The following GPC5 variants were observed in gnomAD, a reference collection of about 807,000 sequenced individuals.
GPC5 encodes the protein glypican-5.
GPC5 carries 47 observed loss-of-function variants against 53.9 expected under a neutral mutation model. The observed-to-expected ratio is 0.87, with a 90% CI of 0.69 to 1.11. GPC5 has a LOEUF of 1.11. GPC5 is among the 50% of genes most tolerant of loss of function. The pLI is 0.00. For synonymous variants in GPC5, 286 were observed against 263.3 expected (o/e 1.09, Z -0.84); for missense variants, 748 against 713.1 (o/e 1.05, Z -0.56).
rs1711498775 is a variant in GPC5, at chr13:92,349,161, G to A, written c.1561+204172G>A. ...ATTTTAATGTAATTTAATTTAATTT[G>A]AGATGGAGTTTCACTCTTGTTGCCC... On this transcript the variant is annotated intron_variant, in intron 7 of 7. Coordinates refer to ENST00000377067, the MANE Select transcript of GPC5 (RefSeq NM_004466.6). 2.0e-5 allele frequency among the ~76,000 whole-genome samples: 3 copies of A among 152,138 alleles called. No homozygotes were observed. The South Asian group carries it at 6.2e-4, about 31-fold the overall frequency.
intron 2 of GPC5, among the ~76,000 whole-genome samples, chr13:91,669,234 T>C (rs769372283): frequency 2.6e-5 from 4 of 152,208 alleles, no homozygotes; most frequent in Non-Finnish European, 5.9e-5. Context: ...GTATAGAGTA[T>C]GTGCATTACG....
intron 6 of GPC5, among the ~76,000 whole-genome samples, chr13:92,054,445 G>C (rs1260882645): frequency 6.6e-6 from 1 of 152,090 alleles, no homozygotes; most frequent in Non-Finnish European, 1.5e-5. Context: ...ATCAGAAATT[G>C]TTCTGAGTAT....
chr13:92,098,036 G>T (rs1221666394), intron 6 of GPC5, among the ~76,000 whole-genome samples: 2 of 152,068 alleles, frequency 1.3e-5, no homozygotes, highest in Admixed American at 1.3e-4. Flanking sequence ...TAGGTTCAGG[G>T]ATACATGTGC....
Position 92,347,725 on chromosome 13 carries a change from C to T in GPC5, c.1561+202736C>T, listed in dbSNP as rs192724898. Among the ~76,000 whole-genome samples, 767 of 144,640 alleles carry T rather than the reference C, an allele frequency of 5.3e-3. 9 individuals carry two copies. Among genetic ancestry groups the T allele is most frequent in the African/African-American group, 0.019 (735 of 38,510 alleles). 94.9% of individuals were successfully genotyped at this position (144,640 alleles called of 152,430 possible). A position where few individuals can be genotyped will look rare whatever the true frequency, so the allele number is the denominator to read the frequency against. The stretch of plus-strand genomic sequence containing the variant: ...TATTAAAACTATAGCTGAAATAAAT[C>T]GTCAAGGGACACACATTACAAAGTG... On this transcript the variant is annotated intron_variant, in intron 7 of 7. Coordinates refer to ENST00000377067, the MANE Select transcript of GPC5 (RefSeq NM_004466.6).
At chr13:92,119,064 A>G (rs1166919056) in intron 6 of GPC5, among the ~76,000 whole-genome samples, 1 of 152,238 alleles carries the variant, frequency 6.6e-6, no homozygotes, top group Non-Finnish European at 1.5e-5. Context: ...TAAAGGAAAT[A>G]GGTTTAACTG....
Position 92,415,156 on chromosome 13 carries a change from A to G in GPC5, c.1561+270167A>G, listed in dbSNP as rs146479817. Among the ~76,000 whole-genome samples the G allele has an allele frequency of 1.9e-3, 293 of 152,288 alleles. 2 individuals carry two copies. Among genetic ancestry groups the G allele is most frequent in the African/African-American group, 6.8e-3 (282 of 41,562 alleles). ...AAGCTGGAGAGCTGGACAGGAGTGA[A>G]ACTATGCTCTTTGACAACATGTTCA... On this transcript the variant is annotated intron_variant, in intron 7 of 7. Coordinates refer to ENST00000377067, the MANE Select transcript of GPC5 (RefSeq NM_004466.6).
In GPC5 at chr13:91,693,638, G is replaced by A. The variant is rs532850832; in HGVS notation, c.777G>A (p.Pro259=). The change falls in exon 3 of 8, where the codon CCG becomes CCA. Residue 259 remains proline, a synonymous_variant. Transcript: ENST00000377067. ...SRALLKMQYC[P]HCQGLALTKP... ...CCCTCCTGAAGATGCAATACTGCCCGCACTGCCAAGGCCTGGCGCTCACTA... is the reference window on the plus strand; with the variant it reads ...CCCTCCTGAAGATGCAATACTGCCCACACTGCCAAGGCCTGGCGCTCACTA... 12 of 1,614,056 alleles carry A rather than the reference G, an allele frequency of 7.4e-6. No homozygotes were observed. The highest frequency in any genetic ancestry group is 3.3e-5 in the South Asian group (3 of 91,084).
At chr13:91,488,420 A>G (rs632522) in intron 2 of GPC5, among the ~76,000 whole-genome samples, 151,471 of 152,306 alleles carry the variant, frequency 0.99, 75,333 homozygotes, top group Middle Eastern at 1. Context: ...TATGTTGCGG[A>G]AAGTCAGGGA....
At chr13:92,414,458 T>C (rs1367563693) in intron 7 of GPC5, among the ~76,000 whole-genome samples, 2 of 150,852 alleles carry the variant, frequency 1.3e-5, no homozygotes, top group African/African-American at 2.4e-5. Context: ...TGAGCCAAGA[T>C]TGTGCCACTG....
intron 2 of GPC5, among the ~76,000 whole-genome samples, chr13:91,556,121 A>G (rs1206538093): frequency 6.6e-6 from 1 of 151,760 alleles, no homozygotes; most frequent in Non-Finnish European, 1.5e-5. Flanking sequence ...TTTGTTCTCC[A>G]TTTCAATTAT....
intron 7 of GPC5, among the ~76,000 whole-genome samples, chr13:92,398,847 C>T (rs1242303493): frequency 1.3e-5 from 2 of 152,148 alleles, no homozygotes; most frequent in Non-Finnish European, 2.9e-5. Context: ...TTCTTGACTA[C>T]ATACCCAGAA....
intron 7 of GPC5, among the ~76,000 whole-genome samples, chr13:92,202,386 CAA>C (rs1224196745): frequency 9.9e-5 from 15 of 152,080 alleles, no homozygotes; most frequent in African/African-American, 3.4e-4. Context: ...ATTAGTGAGG[CAA>C]TAAATAGGAG....
chr13:92,008,740 G>T (rs1057002531), intron 6 of GPC5, among the ~76,000 whole-genome samples: 1 of 151,922 alleles, frequency 6.6e-6, no homozygotes. Context: ...GTAGATTTTT[G>T]ACATTACTTC....
chr13:91,792,627 AT>A (rs1183570283), intron 5 of GPC5, among the ~76,000 whole-genome samples: 1 of 152,198 alleles, frequency 6.6e-6, no homozygotes, highest in African/African-American at 2.4e-5. Context: ...CTAGCAGGGT[AT>A]TTTTTTCTAA....
intron 7 of GPC5, among the ~76,000 whole-genome samples, chr13:92,343,954 T>C (rs1320969992): frequency 6.6e-6 from 1 of 152,110 alleles, no homozygotes; most frequent in Non-Finnish European, 1.5e-5. Context: ...TGGAAGCCTG[T>C]TTTTTGGGAA....
intron 7 of GPC5, among the ~76,000 whole-genome samples, chr13:92,625,804 ATCTAAGCT>A (rs1885028475): frequency 6.6e-6 from 1 of 152,212 alleles, no homozygotes; most frequent in African/African-American, 2.4e-5. Context: ...AGGACACATT[ATCTAAGCT>A]TTTGGTCCAA....
chr13:92,282,499 A>C (rs1375086325), intron 7 of GPC5, among the ~76,000 whole-genome samples: 2 of 152,180 alleles, frequency 1.3e-5, no homozygotes, highest in Non-Finnish European at 2.9e-5. Flanking sequence ...GCAAGAGAGA[A>C]AGGTCGGATT....
chr13:92,519,788 C>A, intron 7 of GPC5, among the ~76,000 whole-genome samples: 1 of 151,954 alleles, frequency 6.6e-6, no homozygotes, highest in Non-Finnish European at 1.5e-5. Flanking sequence ...CAGAGAAGAA[C>A]CGAAGGAGAT....
At chr13:92,211,425 A>G (rs1213924869) in intron 7 of GPC5, among the ~76,000 whole-genome samples, 1 of 152,218 alleles carries the variant, frequency 6.6e-6, no homozygotes, top group Non-Finnish European at 1.5e-5. Context: ...TTCTGCCCTC[A>G]GTTCTAAGGG....
Sources: gnomAD v4.1 joint callset for allele counts (sites outside exome capture counted in the v4.1 genomes callset) on GRCh38, gnomAD v4.1.1 for gene constraint, MANE v1.5 for transcripts, NCBI Gene and HGNC (gene_info 2026-07-23, HGNC 2026-07-21) for gene names.